The following SYCE1 variants were observed in gnomAD, a reference collection of about 807,000 sequenced individuals.
SYCE1 encodes cancer/testis antigen 76.
SYCE1 carries 37 observed loss-of-function variants against 55.1 expected under a neutral mutation model. The observed-to-expected ratio is 0.67, with a 90% CI of 0.52 to 0.88. The LOEUF is 0.88. SYCE1 is among the 40% of genes least tolerant of loss of function. SYCE1 has a pLI of 0.00. For synonymous variants in SYCE1, 163 were observed against 159.4 expected (o/e 1.02, Z -0.17); for missense variants, 399 against 416.4 (o/e 0.96, Z 0.36).
upstream of SYCE1, among the ~76,000 whole-genome samples, chr10:133,566,863 G>T (rs76743081): frequency 4.4e-5 from 1 of 22,768 alleles, no homozygotes; most frequent in African/African-American, 5.3e-5. Flanking sequence ...TTAGGGTTAG[G>T]GTTAGGGTTA....
Position 133,559,177 on chromosome 10 carries a change from C to T in SYCE1, c.196+124G>A, listed in dbSNP as rs79046675. On this transcript the variant is annotated intron_variant, in intron 3 of 12. Coordinates refer to ENST00000343131, the MANE Select transcript of SYCE1 (RefSeq NM_001143764.3). ...GAAATGCCCTGTACTTAATTTAAGG[C>T]TCTGCTGTTGCTGTTGTGAATAACC... 3.3e-3 allele frequency: 3,613 copies of T among 1,110,728 alleles called. No homozygotes were observed. In the African/African-American group the frequency reaches 0.048, roughly 15 times the overall value. The allele number at this position is 1,110,728 out of a possible 1,614,324, so 68.8% of individuals were successfully genotyped here.
intron 8 of SYCE1, 91 bp downstream of exon 8, chr10:133,556,668 G>T: frequency 1.5e-6 from 2 of 1,363,812 alleles, no homozygotes; most frequent in Non-Finnish European, 2.0e-6. Context: ...TTGGCGACTG[G>T]TTGTGGCAGG....
intron 6 of SYCE1, 148 bp downstream of exon 6, chr10:133,557,716 G>C: frequency 1.2e-6 from 1 of 819,894 alleles, no homozygotes; most frequent in African/African-American, 1.7e-5. Flanking sequence ...CCAGCTGTTG[G>C]AGCCGAAGGG....
chr10:133,558,384 C>T lies in SYCE1; in HGVS notation c.272-170G>A, dbSNP rs532190510. 257 of 703,040 alleles carry T rather than the reference C, an allele frequency of 3.7e-4. 1 individual carries two copies. The African/African-American group carries it at 4.2e-3, about 11-fold the overall frequency. The allele number at this position is 703,040 out of a possible 1,614,324, so 43.6% of individuals were successfully genotyped here. On this transcript the variant is annotated intron_variant, in intron 4 of 12. Coordinates refer to ENST00000343131, the MANE Select transcript of SYCE1 (RefSeq NM_001143764.3). ...CTGGTGCCCACATTCCTTGTAAGCA[C>T]CAAAGGGCCTTCACATTTACAGAGG...
At chr10:133,562,407 A>C (rs915733296) in intron 1 of SYCE1, among the ~76,000 whole-genome samples, 1 of 151,562 alleles carries the variant, frequency 6.6e-6, no homozygotes, top group Non-Finnish European at 1.5e-5. Context: ...AGTTGACTGA[A>C]TGCTATTTTC....
chr10:133,565,015 G>T (rs2133633539), intron 1 of SYCE1, among the ~76,000 whole-genome samples: 1 of 152,288 alleles, frequency 6.6e-6, no homozygotes, highest in South Asian at 2.1e-4. Flanking sequence ...CGGCTCCCCG[G>T]GGCGTCGGGA....
rs1851906282 is a variant in SYCE1, at chr10:133,565,459, C to T, written c.71G>A (p.Gly24Glu). The change falls in exon 1 of 13, where the codon GGA (glycine) becomes GAA (glutamate). Residue 24 changes from glycine to glutamate, a missense_variant and splice_region_variant. Coordinates refer to ENST00000343131, the MANE Select transcript of SYCE1 (RefSeq NM_001143764.3). ...AGTTCCCTGCCTCCCACCACTACCT[C>T]CGGCCTTCTCAGCCCTGTCCACGGC... ...AGAVDRAEKA[G>E]GQDTSSQKIE... 1.3e-6 allele frequency: 2 copies of T among 1,548,700 alleles called. No individual in the cohort carries two copies. The highest frequency in any genetic ancestry group is 1.7e-6 in the Non-Finnish European group (2 of 1,146,116).
chr10:133,559,234 C>G, intron 3 of SYCE1, 67 bp downstream of exon 3: 1 of 1,537,692 alleles, frequency 6.5e-7, no homozygotes, highest in Admixed American at 1.7e-5. Flanking sequence ...CCTGCATTCT[C>G]ACTTGGCACT....
chr10:133,556,432 A>G lies in SYCE1; in HGVS notation c.528+327T>C, dbSNP rs1589965450. 3 of 518,116 alleles carry G rather than the reference A, an allele frequency of 5.8e-6. No homozygotes were observed. In the South Asian group the frequency reaches 7.0e-5, roughly 12 times the overall value. 32.1% of individuals were successfully genotyped at this position (518,116 alleles called of 1,614,324 possible). A position where few individuals can be genotyped will look rare whatever the true frequency, so the allele number is the denominator to read the frequency against. ...CCTTCCTTCCTGACACTCACTGTCT[A>G]TTTTCTTGTTCAGTGCCTAGGATCC... On this transcript the variant is annotated intron_variant, in intron 8 of 12. Coordinates refer to ENST00000343131, the MANE Select transcript of SYCE1 (RefSeq NM_001143764.3).
At chr10:133,564,790 GA>G (rs2133632903) in intron 1 of SYCE1, among the ~76,000 whole-genome samples, 1 of 152,314 alleles carries the variant, frequency 6.6e-6, no homozygotes, top group African/African-American at 2.4e-5. Context: ...CTGTAAGTTT[GA>G]AAATCCTCAC....
At chr10:133,564,435 A>T (rs1851880783) in intron 1 of SYCE1, 1 of 985,272 alleles carries the variant, frequency 1.0e-6, no homozygotes. Context: ...ACATGGAGCC[A>T]TGATACTGAA....
At chr10:133,567,479 G>A (rs561135646), upstream of SYCE1, among the ~76,000 whole-genome samples, 1 of 151,980 alleles carries the variant, frequency 6.6e-6, no homozygotes, top group Non-Finnish European at 1.5e-5. Context: ...TAGGGTTAGG[G>A]TTCCTGGACG....
intron 11 of SYCE1, 35 bp downstream of exon 11, chr10:133,555,562 G>C: frequency 6.2e-7 from 1 of 1,602,114 alleles, no homozygotes; most frequent in Non-Finnish European, 8.5e-7. Flanking sequence ...TCATCTTCCT[G>C]GTGGGGGTTG....
Position 133,556,028 on chromosome 10 carries a change from T to G in SYCE1, c.548A>C (p.Lys183Thr). The G allele has an allele frequency of 6.2e-7, 1 of 1,613,680 alleles. No homozygotes were observed. Among genetic ancestry groups the G allele is most frequent in the Admixed American group, 1.7e-5 (1 of 59,992 alleles). Residue 183 changes from lysine to threonine, a missense_variant, in exon 9 of 13, where the codon AAG becomes ACG. By Grantham distance (78) the Lys-to-Thr change is moderately conservative. Coordinates refer to ENST00000343131, the MANE Select transcript of SYCE1 (RefSeq NM_001143764.3). ...WDFHMPERLAKEICALDSSKE... is the reference protein window; with the variant it reads ...WDFHMPERLATEICALDSSKE... ...GCTGCTGTCCAGGGCACAAATCTCC[T>G]TTGCCAGCCGCTCTGGCATCTGAGG...
chr10:133,556,784 T>A lies in SYCE1; in HGVS notation c.503A>T (p.Gln168Leu). ...GTGGAAGTCCCAGAGGTCCTTGTGC[T>A]GGCCCATCAGATCTTCCAGCTGTTC... is the stretch of plus-strand genomic sequence containing the variant. Reference protein sequence around the residue: ...FEEQLEDLMGQHKDLWDFHMP... With the variant: ...FEEQLEDLMGLHKDLWDFHMP... The change falls in exon 8 of 13, where the codon CAG becomes CTG. Residue 168 changes from glutamine (Q) to leucine (L), a missense_variant. Physicochemically the swap from Gln to Leu is moderately radical, Grantham distance 113 (BLOSUM62 -2). Coordinates refer to ENST00000343131, the MANE Select transcript of SYCE1 (RefSeq NM_001143764.3). The A allele has an allele frequency of 6.4e-7, 1 of 1,573,032 alleles. No individual in the cohort carries two copies. The highest frequency in any genetic ancestry group is 1.2e-5 in the South Asian group (1 of 86,114).
chr10:133,555,945 G>A (rs1226440994), intron 9 of SYCE1, 36 bp downstream of exon 9: 1 of 1,613,794 alleles, frequency 6.2e-7, no homozygotes, highest in East Asian at 2.2e-5. Context: ...AGGCACGTGA[G>A]GTCAGATATG....
At chr10:133,554,661 G>A (rs147700104), downstream of SYCE1, 2 of 731,554 alleles carry the variant, frequency 2.7e-6, no homozygotes, top group African/African-American at 3.4e-5. Context: ...TTAATTTCAG[G>A]GAGTCTGTGT....
chr10:133,564,352 G>A, intron 1 of SYCE1: 1 of 978,072 alleles, frequency 1.0e-6, no homozygotes, highest in Non-Finnish European at 1.2e-6. Flanking sequence ...AGGCATTTCT[G>A]TTGTAGCAGT....
intron 5 of SYCE1, 46 bp from the exon 6 acceptor site, chr10:133,557,964 G>C (rs749366818): frequency 2.5e-6 from 4 of 1,609,738 alleles, no homozygotes; most frequent in South Asian, 1.1e-5. Flanking sequence ...TCAAGGTATT[G>C]GGTTTTGGCA....
Sources: gnomAD v4.1 joint callset for allele counts (sites outside exome capture counted in the v4.1 genomes callset) on GRCh38, gnomAD v4.1.1 for gene constraint, MANE v1.5 for transcripts, NCBI Gene and HGNC (gene_info 2026-07-23, HGNC 2026-07-21) for gene names.